Variants in MACROD2 observed in about 807,000 individuals in gnomAD.
The protein encoded by MACROD2 is ADP-ribose glycohydrolase MACROD2.
Under a neutral mutation model 70.4 loss-of-function variants are expected in MACROD2, and 36 were observed. That is an observed-to-expected ratio of 0.51 (90% confidence interval 0.39 to 0.68). The LOEUF is 0.68. MACROD2 is among the 30% of genes least tolerant of loss of function. The probability of loss-of-function intolerance (pLI) is 0.00; values close to 1 mark genes in which losing one functional copy is unlikely to be tolerated. For synonymous variants in MACROD2, 172 were observed against 178.8 expected, an observed-to-expected ratio of 0.96 and a Z score of 0.30; for missense variants, 496 against 538.4, an observed-to-expected ratio of 0.92 and a Z score of 0.78.
chr20:14,301,185 T>G (rs915016928), intron 3 of MACROD2, among the ~76,000 whole-genome samples: 2 of 152,188 alleles, frequency 1.3e-5, no homozygotes, highest in Non-Finnish European at 2.9e-5. Context: ...GGAAGGCTAA[T>G]TCTAGAACCC....
At chr20:14,092,332 T>C (rs1601212943) in intron 3 of MACROD2, among the ~76,000 whole-genome samples, 1 of 152,320 alleles carries the variant, frequency 6.6e-6, no homozygotes, top group East Asian at 1.9e-4. Flanking sequence ...TTCATATCTT[T>C]TGCCATTTTG....
At chr20:14,783,726 G>A (rs897689825) in intron 5 of MACROD2, among the ~76,000 whole-genome samples, 1 of 152,032 alleles carries the variant, frequency 6.6e-6, no homozygotes, top group Admixed American at 6.5e-5. Context: ...AGTGAAATAA[G>A]GAAGAAAAGC....
intron 6 of MACROD2, among the ~76,000 whole-genome samples, chr20:15,266,771 AC>A (rs1338178924): frequency 6.6e-6 from 1 of 152,144 alleles, no homozygotes; most frequent in African/African-American, 2.4e-5. Context: ...TACCTCAGTG[AC>A]CCTGTCTCTA....
At chr20:15,559,252 A>AT (rs1407572652) in intron 8 of MACROD2, among the ~76,000 whole-genome samples, 2 of 147,528 alleles carry the variant, frequency 1.4e-5, no homozygotes, top group Admixed American at 6.8e-5. Context: ...AAAAAAAAAA[A>AT]GATTCTCAGG....
chr20:15,644,571 C>T (rs1306298600), intron 8 of MACROD2, among the ~76,000 whole-genome samples: 1 of 152,112 alleles, frequency 6.6e-6, no homozygotes, highest in East Asian at 1.9e-4. Context: ...ACTATGCACT[C>T]TATGGTTTTA....
chr20:15,409,831 G>A (rs1418796667), intron 6 of MACROD2, among the ~76,000 whole-genome samples: 1 of 152,170 alleles, frequency 6.6e-6, no homozygotes, highest in Non-Finnish European at 1.5e-5. Context: ...CTTGCAATGA[G>A]AAGGCACTGA....
chr20:14,777,355 C>G (rs1424729424), intron 5 of MACROD2, among the ~76,000 whole-genome samples: 1 of 151,992 alleles, frequency 6.6e-6, no homozygotes, highest in Non-Finnish European at 1.5e-5. Context: ...TGCAGCTCTA[C>G]TAAGGGCTGG....
chr20:14,001,456 A>T (rs947499150), intron 1 of MACROD2, among the ~76,000 whole-genome samples: 1 of 152,128 alleles, frequency 6.6e-6, no homozygotes, highest in African/African-American at 2.4e-5. Flanking sequence ...GCAGTTGAGG[A>T]AATATCTTGG....
At chr20:15,719,064 A>G (rs1194880638) in intron 8 of MACROD2, among the ~76,000 whole-genome samples, 1 of 152,170 alleles carries the variant, frequency 6.6e-6, no homozygotes, top group African/African-American at 2.4e-5. Flanking sequence ...ATCCTTTTGC[A>G]ATGATAAATC....
intron 3 of MACROD2, among the ~76,000 whole-genome samples, chr20:14,367,787 T>A (rs1250462885): frequency 2.0e-5 from 3 of 152,074 alleles, no homozygotes; most frequent in East Asian, 1.9e-4. Flanking sequence ...GTTGAGCTTC[T>A]TGAATGTGTG....
chr20:14,227,838 CAT>C (rs1358364280), intron 3 of MACROD2, among the ~76,000 whole-genome samples: 9 of 152,180 alleles, frequency 5.9e-5, no homozygotes, highest in Non-Finnish European at 2.9e-5. Flanking sequence ...TTAAAGCAAA[CAT>C]AAAATACATG....
At chr20:14,832,041 T>G (rs2072974931) in intron 5 of MACROD2, among the ~76,000 whole-genome samples, 1 of 121,304 alleles carries the variant, frequency 8.2e-6, no homozygotes, top group Admixed American at 7.9e-5. Context: ...CGAGTTTTTT[T>G]TTTTTTTTTT....
intron 5 of MACROD2, among the ~76,000 whole-genome samples, chr20:14,868,929 CG>C (rs2073457567): frequency 6.6e-6 from 1 of 152,082 alleles, no homozygotes; most frequent in Admixed American, 6.5e-5. Flanking sequence ...CAAGGACTAT[CG>C]TTGATACAGG....
At chr20:14,391,280 A>G (rs2083523703) in intron 3 of MACROD2, among the ~76,000 whole-genome samples, 1 of 152,218 alleles carries the variant, frequency 6.6e-6, no homozygotes, top group Admixed American at 6.5e-5. Flanking sequence ...ATCATAGAAT[A>G]CTATGCAGCC....
intron 6 of MACROD2, among the ~76,000 whole-genome samples, chr20:15,329,568 T>A (rs1352006904): frequency 6.6e-6 from 1 of 151,928 alleles, no homozygotes; most frequent in East Asian, 1.9e-4. Flanking sequence ...CAAGACCCCA[T>A]TCTTCACACA....
At chr20:14,782,116 G>T (rs1333131434) in intron 5 of MACROD2, among the ~76,000 whole-genome samples, 1 of 151,850 alleles carries the variant, frequency 6.6e-6, no homozygotes, top group African/African-American at 2.4e-5. Context: ...TAGAGATGGG[G>T]TTTCACCATG....
intron 9 of MACROD2, among the ~76,000 whole-genome samples, chr20:15,863,088 A>G (rs13044255): frequency 0.064 from 9,738 of 152,054 alleles, 406 homozygotes; most frequent in East Asian, 0.16. Context: ...GGGGCTAATT[A>G]TTAATAAAAG....
At position 14,480,224 on chromosome 20, in the gene MACROD2, A is replaced by G. The variant is rs576085057; in HGVS notation, c.272-13255A>G. ...TTTACTTACCTGTTTATTTCCAGCA[A>G]TCGTTCCAGAACAGCCACAAACAGT... is the stretch of plus-strand genomic sequence containing the variant. On this transcript the variant is annotated intron_variant, in intron 3 of 17. Coordinates refer to ENST00000684519, the MANE Select transcript of MACROD2 (RefSeq NM_001351661.2). 4.5e-4 allele frequency among the ~76,000 whole-genome samples: 68 copies of G among 152,314 alleles called. No homozygotes were observed. In the South Asian group the frequency reaches 7.9e-3, roughly 18 times the overall value.
At chr20:15,821,617 G>A (rs1458526726) in intron 8 of MACROD2, among the ~76,000 whole-genome samples, 1 of 152,120 alleles carries the variant, frequency 6.6e-6, no homozygotes, top group Non-Finnish European at 1.5e-5. Context: ...ACCTTGGATT[G>A]AAAATGTTCA....
Sources: allele counts gnomAD v4.1 joint callset (sites outside exome capture counted in the v4.1 genomes callset), GRCh38; gene constraint gnomAD v4.1.1; transcripts MANE v1.5; gene names NCBI Gene and HGNC (gene_info 2026-07-23, HGNC 2026-07-21).